Variants in NALCN observed in about 807,000 individuals in gnomAD.
The protein encoded by NALCN is sodium leak channel, non-selective, also known as sodium leak channel NALCN.
NALCN carries 111 observed loss-of-function variants against 225.3 expected under a neutral mutation model. The observed-to-expected ratio is 0.49, with a 90% CI of 0.42 to 0.58. The LOEUF is 0.58. Among genes scored for constraint, NALCN ranks in the 20% least tolerant of loss-of-function variants. The probability of loss-of-function intolerance (pLI) is 0.00; values close to 1 mark genes in which losing one functional copy is unlikely to be tolerated. For missense variants in NALCN, 1,378 were observed against 2,202.4 expected, an observed-to-expected ratio of 0.63 and a Z score of 7.49; for synonymous variants, 764 against 769.0, an observed-to-expected ratio of 0.99 and a Z score of 0.11.
At chr13:101,313,043 C>T (rs1169815729) in intron 7 of NALCN, among the ~76,000 whole-genome samples, 2 of 152,212 alleles carry the variant, frequency 1.3e-5, no homozygotes, top group Non-Finnish European at 2.9e-5. Flanking sequence ...CTACAACCAT[C>T]TGTTCTTTGA....
rs559972820 is a variant in NALCN at position 101,279,709 on chromosome 13, T to C, written c.1134+4224A>G. ...GCGGGCGCCTGTAGTCCCAGCTACT[T>C]GGGAGGCTGAGGCAGGAGAATGGCG... On this transcript the variant is annotated intron_variant, in intron 10 of 43. Transcript: ENST00000251127. Among the ~76,000 whole-genome samples, 1,247 of 148,308 alleles carry C rather than the reference T, an allele frequency of 8.4e-3. 4 individuals carry two copies. The highest frequency in any genetic ancestry group is 0.015 in the Non-Finnish European group (972 of 66,304).
intron 3 of NALCN, among the ~76,000 whole-genome samples, chr13:101,388,247 CAT>C (rs940496181): frequency 6.6e-6 from 1 of 152,088 alleles, no homozygotes; most frequent in Admixed American, 6.5e-5. Flanking sequence ...AGCATTTAAA[CAT>C]AGAATACCAG....
At position 101,068,775 on chromosome 13, in the gene NALCN, C is replaced by T; in HGVS notation, c.4250G>A (p.Cys1417Tyr). The T allele has an allele frequency of 3.1e-6, 5 of 1,612,798 alleles. No homozygotes were observed. The highest frequency in any genetic ancestry group is 1.1e-5 in the South Asian group (1 of 90,718). Reference protein sequence around the residue: ...PDEFTYWATDCGNYAGALMYF... With the variant: ...PDEFTYWATDYGNYAGALMYF... ...CATAAGTGCCCCAGCATAATTTCCACAGTCTGTTGCCCAGTATGTAAATTC... is the reference window on the plus strand; with the variant it reads ...CATAAGTGCCCCAGCATAATTTCCATAGTCTGTTGCCCAGTATGTAAATTC... Residue 1417 changes from cysteine to tyrosine, a missense_variant, in exon 38 of 44, where the codon TGT (cysteine) becomes TAT (tyrosine). By Grantham distance (194) the Cys-to-Tyr change is radical. This residue lies in a region of NALCN where 76 missense variants were observed against 118.7 expected (regional missense o/e 0.64). Coordinates refer to ENST00000251127, the MANE Select transcript of NALCN (RefSeq NM_052867.4).
Position 101,279,629 on chromosome 13 carries a change from A to G in NALCN, c.1134+4304T>C, listed in dbSNP as rs541876284. Among the ~76,000 whole-genome samples the G allele has an allele frequency of 4.7e-5, 7 of 150,216 alleles. No individual in the cohort carries two copies. The South Asian group carries it at 1.5e-3, about 32-fold the overall frequency. On this transcript the variant is annotated intron_variant, in intron 10 of 43. Transcript: ENST00000251127. ...CAGGAGATCGAGACCATCCCGGCTAAAACGGTGAAACCCCGTCTCTACTAA... is the reference window on the plus strand; with the variant it reads ...CAGGAGATCGAGACCATCCCGGCTAGAACGGTGAAACCCCGTCTCTACTAA...
rs532842134 is a variant in NALCN at position 101,388,973 on chromosome 13, T to C, written c.291+6210A>G. On this transcript the variant is annotated intron_variant, in intron 3 of 43. Transcript: ENST00000251127. ...TAGGGCCGGGCAACTACACAGAATG[T>C]GAGCTAGGGCCGGGCAACGTCCAGG... Among the ~76,000 whole-genome samples, 5 of 152,290 alleles carry C rather than the reference T, an allele frequency of 3.3e-5. No homozygotes were observed. The South Asian group carries it at 1.0e-3, about 32-fold the overall frequency.
chr13:101,270,678 A>G (rs1200516269), intron 10 of NALCN, among the ~76,000 whole-genome samples: 1 of 152,236 alleles, frequency 6.6e-6, no homozygotes, highest in Non-Finnish European at 1.5e-5. Flanking sequence ...AAAGTGACTT[A>G]CATTTTAGAT....
intron 7 of NALCN, among the ~76,000 whole-genome samples, chr13:101,305,087 T>G (rs1278184812): frequency 6.6e-6 from 1 of 152,158 alleles, no homozygotes; most frequent in Non-Finnish European, 1.5e-5. Context: ...AAAAAATTAT[T>G]GTTATTGTTT....
chr13:101,176,242 A>T, intron 15 of NALCN, 58 bp downstream of exon 15: 1 of 1,320,518 alleles, frequency 7.6e-7, no homozygotes, highest in Non-Finnish European at 1.0e-6. Context: ...CCTATAAGCA[A>T]ATGGTTTGCC....
intron 15 of NALCN, among the ~76,000 whole-genome samples, chr13:101,172,818 C>T (rs1325421021): frequency 6.6e-6 from 1 of 152,160 alleles, no homozygotes; most frequent in Non-Finnish European, 1.5e-5. Context: ...CCGCCCACCT[C>T]AGCCTCCCCA....
intron 4 of NALCN, among the ~76,000 whole-genome samples, chr13:101,377,529 T>C (rs766873201): frequency 2.6e-5 from 4 of 152,172 alleles, no homozygotes; most frequent in South Asian, 2.1e-4. Flanking sequence ...AACACATTAA[T>C]GTGAGAAACA....
intron 15 of NALCN, among the ~76,000 whole-genome samples, chr13:101,157,925 G>T (rs978654453): frequency 6.6e-6 from 1 of 151,950 alleles, no homozygotes; most frequent in South Asian, 2.1e-4. Flanking sequence ...GCTAATTTTT[G>T]TATTTTTAGT....
chr13:101,114,495 G>A (rs2035607765), intron 18 of NALCN, among the ~76,000 whole-genome samples: 1 of 151,790 alleles, frequency 6.6e-6, no homozygotes, highest in South Asian at 2.1e-4. Context: ...CCCTGGTGAA[G>A]CAAGCTGCAT....
chr13:101,387,922 A>G (rs2047040399), intron 3 of NALCN, among the ~76,000 whole-genome samples: 1 of 152,200 alleles, frequency 6.6e-6, no homozygotes, highest in South Asian at 2.1e-4. Flanking sequence ...ATTTAATGTG[A>G]CAAAGGACAT....
intron 17 of NALCN, among the ~76,000 whole-genome samples, chr13:101,130,241 C>T (rs985764234): frequency 1.3e-5 from 2 of 152,108 alleles, no homozygotes; most frequent in African/African-American, 4.8e-5. Context: ...AGTTTTATTT[C>T]ACATTTCATA....
chr13:101,239,281 T>C (rs965221320), intron 11 of NALCN, among the ~76,000 whole-genome samples: 1 of 151,944 alleles, frequency 6.6e-6, no homozygotes, highest in Admixed American at 6.6e-5. Flanking sequence ...TTGTCCTCTG[T>C]CAAGTTCATA....
chr13:101,090,087 CAT>C lies in NALCN; in HGVS notation c.3270-123_3270-122del, dbSNP rs1002183319. ...GTGTGTGTGTGTGTATATACACACA[CAT>C]ATATACACACACACGTGTGCGTGCA... On this transcript the variant is annotated intron_variant, in intron 28 of 43. Coordinates refer to ENST00000251127, the MANE Select transcript of NALCN (RefSeq NM_052867.4). 9.8e-5 allele frequency: 132 copies of C among 1,341,220 alleles called. 1 individual carries two copies. Among genetic ancestry groups the C allele is most frequent in the South Asian group, 9.7e-4 (72 of 73,896 alleles). The allele number at this position is 1,341,220 out of a possible 1,614,324, so 83.1% of individuals were successfully genotyped here.
intron 2 of NALCN, among the ~76,000 whole-genome samples, chr13:101,397,138 C>G (rs1555346509): frequency 1.0e-5 from 1 of 100,088 alleles, no homozygotes; most frequent in African/African-American, 3.5e-5. Flanking sequence ...ATAATGTGTG[C>G]ATATACACAT....
intron 3 of NALCN, among the ~76,000 whole-genome samples, chr13:101,382,350 G>A (rs886899256): frequency 8.6e-5 from 13 of 151,876 alleles, no homozygotes; most frequent in Non-Finnish European, 1.8e-4. Flanking sequence ...GGAGAGACAT[G>A]CTTTTCACAA....
intron 7 of NALCN, among the ~76,000 whole-genome samples, chr13:101,334,926 G>A (rs2045329301): frequency 6.6e-6 from 1 of 151,970 alleles, no homozygotes; most frequent in African/African-American, 2.4e-5. Flanking sequence ...AATTATATAT[G>A]GCAGAATTTA....
Sources: gnomAD v4.1 joint callset for allele counts (sites outside exome capture counted in the v4.1 genomes callset) on GRCh38, gnomAD v4.1.1 for gene constraint, gnomAD v4.1.1 regional missense constraint, MANE v1.5 for transcripts, NCBI Gene and HGNC (gene_info 2026-07-23, HGNC 2026-07-21) for gene names.